The following UBXN4 variants were observed in gnomAD, a reference collection of about 807,000 sequenced individuals.
UBXN4 encodes UBX domain-containing protein 4.
Under a neutral mutation model 66.2 loss-of-function variants are expected in UBXN4, and 35 were observed. That is an observed-to-expected ratio of 0.53 (90% confidence interval 0.40 to 0.70). The LOEUF is 0.70. UBXN4 is among the 30% of genes least tolerant of loss of function. UBXN4 has a pLI of 0.00. For synonymous variants in UBXN4, 203 were observed against 204.5 expected (o/e 0.99, Z 0.06); for missense variants, 533 against 599.8 (o/e 0.89, Z 1.16).
Position 135,778,960 on chromosome 2 carries a change from A to T in UBXN4, c.1066A>T (p.Thr356Ser). The change falls in exon 11 of 13, where the codon ACT (threonine) becomes TCT (serine). Residue 356 changes from threonine to serine, a missense_variant. Coordinates refer to ENST00000272638, the MANE Select transcript of UBXN4 (RefSeq NM_014607.4). The stretch of plus-strand genomic sequence containing the variant: ...ACTTATTTTACAGACTGTTGGCAAC[A>T]CTTACGGTAATTTTTCGTTAGCAAC... Reference protein sequence around the residue: ...RQFAAQTVGNTYGNFSLATMF... With the variant: ...RQFAAQTVGNSYGNFSLATMF... 1 of 1,612,658 alleles carries T rather than the reference A, an allele frequency of 6.2e-7. No individual in the cohort carries two copies. Among genetic ancestry groups the T allele is most frequent in the Non-Finnish European group, 8.5e-7 (1 of 1,179,554 alleles).
intron 5 of UBXN4, among the ~76,000 whole-genome samples, chr2:135,756,037 T>A (rs1451168085): frequency 6.6e-6 from 1 of 152,162 alleles, no homozygotes; most frequent in East Asian, 1.9e-4. Flanking sequence ...AGTATTATAT[T>A]TGGAATTGTT....
chr2:135,782,885 T>A lies in UBXN4; in HGVS notation c.1525T>A (p.Ter509LysextTer36). The A allele has an allele frequency of 6.2e-7, 1 of 1,611,914 alleles. No homozygotes were observed. The highest frequency in any genetic ancestry group is 8.5e-7 in the Non-Finnish European group (1 of 1,179,196). ...GAATGGAAATTCCACTCAACAGATGTAGTGTGACAAGTATAATATGTGCAA... is the reference window on the plus strand; with the variant it reads ...GAATGGAAATTCCACTCAACAGATGAAGTGTGACAAGTATAATATGTGCAA... ...TWNGNSTQQM* is the reference protein window; with the variant it reads ...TWNGNSTQQMK The change falls in exon 13 of 13, where the codon TAG (stop) becomes AAG (lysine). Residue 509 changes from the stop codon to lysine, a stop_lost. Coordinates refer to ENST00000272638, the MANE Select transcript of UBXN4 (RefSeq NM_014607.4).
chr2:135,761,789 T>C, intron 5 of UBXN4, 29 bp from the exon 6 acceptor site: 1 of 1,546,268 alleles, frequency 6.5e-7, no homozygotes, highest in Non-Finnish European at 8.7e-7. Flanking sequence ...AAATGCAGTA[T>C]TCTTATTTCT....
intron 1 of UBXN4, among the ~76,000 whole-genome samples, chr2:135,745,875 CT>C (rs59946844): frequency 5.5e-4 from 41 of 74,406 alleles, no homozygotes; most frequent in African/African-American, 1.9e-3. Context: ...GTCCCGTTTA[CT>C]TTTTTTTTTT....
intron 10 of UBXN4, among the ~76,000 whole-genome samples, chr2:135,777,653 G>A (rs1219907408): frequency 6.6e-6 from 1 of 152,118 alleles, no homozygotes; most frequent in South Asian, 2.1e-4. Context: ...TTGGGAGGCC[G>A]AGGTGGGTGG....
At chr2:135,754,557 A>C (rs1330646230) in intron 4 of UBXN4, among the ~76,000 whole-genome samples, 3 of 152,028 alleles carry the variant, frequency 2.0e-5, no homozygotes, top group Non-Finnish European at 4.4e-5. Flanking sequence ...TCCTGACCTC[A>C]GGTGATCTGC....
chr2:135,765,804 C>T lies in UBXN4; in HGVS notation c.602+3893C>T, dbSNP rs1422900022. ...AGGCCAGGATCTGGGGATCTGTGCT[C>T]ACAGACCCATGTCCTGCCCCCTTCT... On this transcript the variant is annotated intron_variant, in intron 6 of 12. Coordinates refer to ENST00000272638, the MANE Select transcript of UBXN4 (RefSeq NM_014607.4). 3.9e-5 allele frequency among the ~76,000 whole-genome samples: 6 copies of T among 152,044 alleles called. No individual in the cohort carries two copies. In the South Asian group the frequency reaches 1.2e-3, roughly 32 times the overall value.
intron 5 of UBXN4, among the ~76,000 whole-genome samples, chr2:135,758,074 A>AT (rs2077289584): frequency 3.4e-5 from 2 of 58,236 alleles, no homozygotes; most frequent in Admixed American, 1.6e-4. Context: ...ACACCTGGCT[A>AT]ATTTTTTTTT....
intron 6 of UBXN4, among the ~76,000 whole-genome samples, chr2:135,765,632 A>G (rs2077342052): frequency 6.6e-6 from 1 of 151,790 alleles, no homozygotes; most frequent in Non-Finnish European, 1.5e-5. Context: ...TGTAATGGCC[A>G]TCTTTTAATT....
chr2:135,760,530 A>T (rs1019993027), intron 5 of UBXN4, among the ~76,000 whole-genome samples: 1 of 152,236 alleles, frequency 6.6e-6, no homozygotes, highest in Non-Finnish European at 1.5e-5. Context: ...ATCTTCCTCT[A>T]TATGACATCT....
intron 10 of UBXN4, among the ~76,000 whole-genome samples, chr2:135,778,355 A>G (rs958295920): frequency 6.6e-6 from 1 of 152,042 alleles, no homozygotes. Context: ...AAAGATACAC[A>G]GATGTCTAAG....
At chr2:135,768,241 C>T (rs1480152130) in intron 6 of UBXN4, among the ~76,000 whole-genome samples, 1 of 151,926 alleles carries the variant, frequency 6.6e-6, no homozygotes, top group Non-Finnish European at 1.5e-5. Flanking sequence ...CTTTGTTTCC[C>T]AGGCTGGAGT....
Position 135,783,647 on chromosome 2 carries a change from T to C in UBXN4, c.*760T>C, listed in dbSNP as rs2077463552. 1 of 152,218 alleles carries C rather than the reference T, an allele frequency of 6.6e-6. No individual in the cohort carries two copies. Among genetic ancestry groups the C allele is most frequent in the Non-Finnish European group, 1.5e-5 (1 of 68,048 alleles). 9.4% of individuals were successfully genotyped at this position (152,218 alleles called of 1,614,324 possible). ...GGCATCACTTTGTTTGCATAAAGTA[T>C]ACGGTTTGTTAAGGCCTTTGTTCTT... On this transcript the variant is annotated 3_prime_UTR_variant, in exon 13 of 13. Transcript: ENST00000272638.
intron 2 of UBXN4, among the ~76,000 whole-genome samples, chr2:135,749,471 T>A (rs1340734773): frequency 2.0e-5 from 3 of 152,208 alleles, no homozygotes; most frequent in Admixed American, 1.3e-4. Context: ...AACAGTGTAA[T>A]GTACCCCATG....
At chr2:135,769,480 G>A (rs2077369412) in intron 6 of UBXN4, among the ~76,000 whole-genome samples, 1 of 150,670 alleles carries the variant, frequency 6.6e-6, no homozygotes, top group South Asian at 2.1e-4. Context: ...GTATTTGTTT[G>A]AAAATGTATT....
At chr2:135,779,170 C>G in intron 11 of UBXN4, 91 bp downstream of exon 11, 2 of 1,316,388 alleles carry the variant, frequency 1.5e-6, no homozygotes, top group East Asian at 2.6e-5. Flanking sequence ...AGGAAGTGCA[C>G]AGATATACTG....
intron 5 of UBXN4, among the ~76,000 whole-genome samples, chr2:135,760,890 C>T (rs764100890): frequency 6.6e-6 from 1 of 152,150 alleles, no homozygotes; most frequent in Non-Finnish European, 1.5e-5. Context: ...CTAGGTTATG[C>T]CCCTGAATGG....
Position 135,773,691 on chromosome 2 carries a change from T to TAAG in UBXN4, c.950+1144_950+1145insAAG, listed in dbSNP as rs1233571102. On this transcript the variant is annotated intron_variant, in intron 9 of 12. Transcript: ENST00000272638. ...TTAGATTTCTAGTACACCTTGCTAA[T>TAAG]TGGATTATGGTTAATACTTATTGTC... 1.9e-4 allele frequency among the ~76,000 whole-genome samples: 29 copies of TAAG among 152,372 alleles called. 1 individual carries two copies. Among genetic ancestry groups the TAAG allele is most frequent in the South Asian group, 4.1e-4 (2 of 4,832 alleles).
At position 135,780,356 on chromosome 2, in the gene UBXN4, C is replaced by T; in HGVS notation, c.1359C>T (p.Asn453=). The T allele has an allele frequency of 6.2e-7, 1 of 1,614,156 alleles. No individual in the cohort carries two copies. The highest frequency in any genetic ancestry group is 8.5e-7 in the Non-Finnish European group (1 of 1,180,010). ...SVRVTSSEPP[N]PASSSKSEKR... ...GAGTAACATCGTCAGAACCCCCAAACCCTGCATCATCTAGCAAATCAGAAA... is the reference window on the plus strand; with the variant it reads ...GAGTAACATCGTCAGAACCCCCAAATCCTGCATCATCTAGCAAATCAGAAA... Residue 453 remains asparagine, a synonymous_variant, in exon 12 of 13, where the codon AAC becomes AAT. Transcript: ENST00000272638.
Sources: allele counts gnomAD v4.1 joint callset (sites outside exome capture counted in the v4.1 genomes callset), GRCh38; gene constraint gnomAD v4.1.1; transcripts MANE v1.5; gene names NCBI Gene and HGNC (gene_info 2026-07-23, HGNC 2026-07-21).